NEK5: variants seen among roughly 807,000 people sequenced by gnomAD.
The protein encoded by NEK5 is NIMA related kinase 5, also known as serine/threonine-protein kinase Nek5.
Under a neutral mutation model 109.2 loss-of-function variants are expected in NEK5, and 88 were observed. The observed-to-expected ratio is 0.81, with a 90% confidence interval of 0.68 to 0.96. NEK5 has a LOEUF of 0.96. Ranked by LOEUF, NEK5 falls within the 40% of genes least tolerant of loss-of-function variation. NEK5 has a pLI of 0.00. For missense variants in NEK5, 834 were observed against 920.7 expected (o/e 0.91, Z 1.22); for synonymous variants, 283 against 299.9 (o/e 0.94, Z 0.58).
chr13:52,083,151 A>G (rs9563091), intron 17 of NEK5, 109 bp downstream of exon 17: 296,003 of 654,012 alleles, frequency 0.45, 69,160 homozygotes, highest in Non-Finnish European at 0.51. Context: ...TCTCATAGAA[A>G]AAAAAAAAAA....
At chr13:52,060,417 C>T (rs535636639) in intron 22 of NEK5, among the ~76,000 whole-genome samples, 10 of 152,072 alleles carry the variant, frequency 6.6e-5, no homozygotes, top group African/African-American at 2.2e-4. Context: ...TGCAATGGCG[C>T]CATCTCGGCT....
intron 23 of NEK5, among the ~76,000 whole-genome samples, chr13:52,042,322 A>G (rs2140887768): frequency 6.6e-6 from 1 of 151,574 alleles, no homozygotes; most frequent in South Asian, 2.1e-4. Flanking sequence ...AAGTTCAGAA[A>G]AATGATAAAC....
At position 52,044,274 on chromosome 13, in the gene NEK5, C is replaced by A. The variant is rs137988563; in HGVS notation, c.2228+5830G>T. Among the ~76,000 whole-genome samples the A allele has an allele frequency of 3.5e-4, 53 of 152,296 alleles. No individual in the cohort carries two copies. The East Asian group carries it at 7.1e-3, about 21-fold the overall frequency. On this transcript the variant is annotated intron_variant, in intron 23 of 23. Transcript: ENST00000684899. ...GATTGTGTGAGTTATACTTAATAAA[C>A]TCCCCTTTATATTCCATTACTTCTG...
At chr13:52,041,417 AG>A (rs1360631036) in intron 23 of NEK5, among the ~76,000 whole-genome samples, 1 of 152,140 alleles carries the variant, frequency 6.6e-6, no homozygotes. Flanking sequence ...AAAACTCAAT[AG>A]ATGGTACCCA....
chr13:52,105,360 G>A (rs1192597279), intron 8 of NEK5, among the ~76,000 whole-genome samples: 3 of 151,760 alleles, frequency 2.0e-5, no homozygotes, highest in Non-Finnish European at 4.4e-5. Context: ...AAGATTGGTG[G>A]GAAACAAATT....
chr13:52,048,713 T>C (rs984620704), intron 23 of NEK5, among the ~76,000 whole-genome samples: 12 of 152,282 alleles, frequency 7.9e-5, no homozygotes, highest in Admixed American at 7.8e-4. Context: ...CCAAGTGAAA[T>C]AAGCCAGACA....
chr13:52,115,534 G>A (rs904022162), intron 4 of NEK5, among the ~76,000 whole-genome samples: 4 of 149,064 alleles, frequency 2.7e-5, no homozygotes, highest in Admixed American at 2.0e-4. Flanking sequence ...GAACCCGGGA[G>A]GTGGAGGTGC....
chr13:52,090,436 A>C (rs1364804138), intron 13 of NEK5, among the ~76,000 whole-genome samples: 1 of 152,232 alleles, frequency 6.6e-6, no homozygotes, highest in Non-Finnish European at 1.5e-5. Context: ...ATAGGATGAA[A>C]TGACAAGCTA....
intron 22 of NEK5, among the ~76,000 whole-genome samples, chr13:52,053,803 G>A (rs1954528922): frequency 1.3e-5 from 2 of 152,174 alleles, no homozygotes; most frequent in Admixed American, 6.6e-5. Context: ...CATTTTGCCT[G>A]AGAATTCCGA....
intron 8 of NEK5, among the ~76,000 whole-genome samples, chr13:52,104,955 A>G (rs1422519148): frequency 6.6e-6 from 1 of 152,256 alleles, no homozygotes; most frequent in Non-Finnish European, 1.5e-5. Context: ...GGCTTTTGAC[A>G]GAACCAAAGT....
Position 52,086,285 on chromosome 13 carries a change from C to T in NEK5, c.1471G>A (p.Glu491Lys), listed in dbSNP as rs745884177. 1.3e-6 allele frequency: 2 copies of T among 1,595,170 alleles called. No homozygotes were observed. The highest frequency in any genetic ancestry group is 2.7e-5 in the African/African-American group (2 of 74,636). ...MKEIRKKMGR[E>K]PEENSKISHK... ...TAGAAGAATGAATTTACCTCTGGTT[C>T]TCTCCCCATCTTCTTTCTAATTTCT... The change falls in exon 16 of 24, where the codon GAA (glutamate) becomes AAA (lysine). Residue 491 changes from glutamate (E) to lysine (K), a missense_variant. Transcript: ENST00000684899.
At chr13:52,116,250 C>T (rs923143862) in intron 4 of NEK5, among the ~76,000 whole-genome samples, 14 of 151,870 alleles carry the variant, frequency 9.2e-5, no homozygotes, top group African/African-American at 2.9e-4. Context: ...GCTGTAGACC[C>T]GGCAGGCTTA....
chr13:52,112,725 A>G (rs376696960), intron 4 of NEK5, among the ~76,000 whole-genome samples: 4 of 152,194 alleles, frequency 2.6e-5, no homozygotes, highest in Admixed American at 1.3e-4. Flanking sequence ...TGACTCTTTC[A>G]TAACACCCCA....
intron 19 of NEK5, among the ~76,000 whole-genome samples, chr13:52,072,315 T>C (rs1349816528): frequency 3.3e-5 from 5 of 152,238 alleles, no homozygotes; most frequent in African/African-American, 1.2e-4. Flanking sequence ...CTTAATTTTA[T>C]CTAGACTTTC....
intron 9 of NEK5, among the ~76,000 whole-genome samples, chr13:52,103,717 G>C (rs931194919): frequency 1.1e-4 from 17 of 152,296 alleles, no homozygotes; most frequent in African/African-American, 3.8e-4. Flanking sequence ...TGGAAGTTTG[G>C]CATATGCCAG....
intron 19 of NEK5, among the ~76,000 whole-genome samples, chr13:52,073,714 T>C (rs1449123233): frequency 6.6e-6 from 1 of 152,150 alleles, no homozygotes; most frequent in Non-Finnish European, 1.5e-5. Flanking sequence ...TATGATACTA[T>C]AGGTTGAAAA....
chr13:52,124,866 T>G (rs73500164), intron 3 of NEK5, among the ~76,000 whole-genome samples: 6,624 of 152,258 alleles, frequency 0.044, 142 homozygotes, highest in East Asian at 0.062. Flanking sequence ...TGGAGCATTA[T>G]CAAAATTGGG....
At chr13:52,058,873 C>A (rs1176033952) in intron 22 of NEK5, among the ~76,000 whole-genome samples, 82 of 152,028 alleles carry the variant, frequency 5.4e-4, no homozygotes, top group Middle Eastern at 3.4e-3. Flanking sequence ...TAGGCTTTAC[C>A]ATTCAGGACA....
In NEK5 at chr13:52,063,591, C is replaced by T. The variant is rs536466199; in HGVS notation, c.1976-1638G>A. ...GCTGCCCAGTCTGGAAAGTGAGGAG[C>T]GTCTCTGCCCAGCCGCCATCCCATC... On this transcript the variant is annotated intron_variant, in intron 21 of 23. Coordinates refer to ENST00000684899, the MANE Select transcript of NEK5 (RefSeq NM_001365552.1). Among the ~76,000 whole-genome samples the T allele has an allele frequency of 2.4e-3, 356 of 148,268 alleles. 2 individuals are homozygous for T. The highest frequency in any genetic ancestry group is 8.1e-3 in the African/African-American group (323 of 39,824).
Sources: gnomAD v4.1 joint callset for allele counts (sites outside exome capture counted in the v4.1 genomes callset) on GRCh38, gnomAD v4.1.1 for gene constraint, MANE v1.5 for transcripts, NCBI Gene and HGNC (gene_info 2026-07-23, HGNC 2026-07-21) for gene names.